TSPAN9: variants seen among roughly 807,000 people sequenced by gnomAD.
TSPAN9 encodes the protein tetraspanin-9.
A neutral mutation model predicts 31.0 loss-of-function variants in TSPAN9; 16 were observed. That is an observed-to-expected ratio of 0.52 (90% CI 0.35 to 0.78). The LOEUF (loss-of-function observed/expected upper bound fraction) is 0.78, where lower values mean the gene tolerates loss of function less well. Among genes scored for constraint, TSPAN9 ranks in the 30% least tolerant of loss-of-function variants. The pLI, the probability that TSPAN9 is intolerant of heterozygous loss-of-function variation, is 0.01. For synonymous variants in TSPAN9, 145 were observed against 121.6 expected (o/e 1.19, Z -1.27); for missense variants, 272 against 312.5 (o/e 0.87, Z 0.98).
chr12:3,082,550 G>A (rs2098298443), intron 1 of TSPAN9, among the ~76,000 whole-genome samples: 1 of 152,202 alleles, frequency 6.6e-6, no homozygotes, highest in Non-Finnish European at 1.5e-5. Context: ...TTGAGCAAGG[G>A]TAAGAGAAGC....
chr12:3,219,860 A>AAAAAAG (rs1249016767), intron 3 of TSPAN9, among the ~76,000 whole-genome samples: 2 of 151,344 alleles, frequency 1.3e-5, no homozygotes, highest in Non-Finnish European at 2.9e-5. Flanking sequence ...AAAAAAAAAA[A>AAAAAAG]AAAAAGGAAT....
At chr12:3,209,367 ATTC>A (rs2098377124) in intron 3 of TSPAN9, among the ~76,000 whole-genome samples, 1 of 152,168 alleles carries the variant, frequency 6.6e-6, no homozygotes, top group Admixed American at 6.5e-5. Context: ...CTGCAGGTGT[ATTC>A]TTCTGGTGAT....
At chr12:3,142,683 C>A (rs1306007056) in intron 2 of TSPAN9, among the ~76,000 whole-genome samples, 2 of 152,154 alleles carry the variant, frequency 1.3e-5, no homozygotes, top group African/African-American at 4.8e-5. Flanking sequence ...CATCCCTGCC[C>A]CCGGGTGCCT....
chr12:3,157,224 C>T (rs895471394), intron 2 of TSPAN9, among the ~76,000 whole-genome samples: 4 of 152,036 alleles, frequency 2.6e-5, no homozygotes, highest in African/African-American at 7.2e-5. Context: ...CTCAGCCTCC[C>T]GAGTAGCTGG....
chr12:3,223,855 C>G (rs2098385818), intron 3 of TSPAN9, among the ~76,000 whole-genome samples: 1 of 152,186 alleles, frequency 6.6e-6, no homozygotes, highest in Non-Finnish European at 1.5e-5. Context: ...ATCCAGTCTT[C>G]TCTGTCTGCA....
At chr12:3,089,382 C>T (rs2098302766) in intron 2 of TSPAN9, among the ~76,000 whole-genome samples, 1 of 148,102 alleles carries the variant, frequency 6.8e-6, no homozygotes, top group African/African-American at 2.5e-5. Context: ...CTGCAACCTC[C>T]CACTCCCTAG....
intron 1 of TSPAN9, among the ~76,000 whole-genome samples, chr12:3,081,509 G>A (rs2098297802): frequency 6.6e-6 from 1 of 151,976 alleles, no homozygotes; most frequent in Non-Finnish European, 1.5e-5. Flanking sequence ...CCTTTCTCAT[G>A]TCTGAGCTCC....
intron 3 of TSPAN9, among the ~76,000 whole-genome samples, chr12:3,246,839 G>T (rs571739172): frequency 6.6e-6 from 1 of 152,346 alleles, no homozygotes. Context: ...AGGACCAGGG[G>T]GGAAGACATC....
intron 2 of TSPAN9, among the ~76,000 whole-genome samples, chr12:3,114,549 C>T (rs190665812): frequency 1.3e-5 from 2 of 152,268 alleles, no homozygotes; most frequent in African/African-American, 4.8e-5. Flanking sequence ...CGCTCTCCTT[C>T]ATCAGATTCC....
chr12:3,101,565 T>G (rs2098311848), intron 2 of TSPAN9, among the ~76,000 whole-genome samples: 3 of 152,076 alleles, frequency 2.0e-5, no homozygotes, highest in Non-Finnish European at 4.4e-5. Flanking sequence ...TGGAATGTGC[T>G]CCTTACTACT....
At chr12:3,251,257 C>T (rs1328459350) in intron 3 of TSPAN9, among the ~76,000 whole-genome samples, 1 of 152,182 alleles carries the variant, frequency 6.6e-6, no homozygotes, top group Non-Finnish European at 1.5e-5. Flanking sequence ...AGCTTGCACC[C>T]GCTGTGTGCC....
chr12:3,216,124 C>T (rs1315513711), intron 3 of TSPAN9, among the ~76,000 whole-genome samples: 2 of 152,208 alleles, frequency 1.3e-5, no homozygotes, highest in African/African-American at 2.4e-5. Context: ...ATGCTCAGAG[C>T]CACCCCATCC....
chr12:3,159,819 G>T (rs938973005), intron 2 of TSPAN9, among the ~76,000 whole-genome samples: 4 of 152,194 alleles, frequency 2.6e-5, no homozygotes, highest in Non-Finnish European at 5.9e-5. Flanking sequence ...CAGAGAAAAT[G>T]GAAGAAACCA....
intron 2 of TSPAN9, among the ~76,000 whole-genome samples, chr12:3,084,724 G>T (rs1036402068): frequency 2.6e-5 from 4 of 152,322 alleles, no homozygotes; most frequent in Middle Eastern, 3.4e-3. Flanking sequence ...TTTCACAAAG[G>T]CCCCGTGGGG....
intron 2 of TSPAN9, among the ~76,000 whole-genome samples, chr12:3,105,871 C>A (rs563206199): frequency 6.6e-6 from 1 of 151,874 alleles, no homozygotes; most frequent in Non-Finnish European, 1.5e-5. Flanking sequence ...CACACACGCT[C>A]ACACACACAT....
intron 2 of TSPAN9, among the ~76,000 whole-genome samples, chr12:3,190,994 CTA>C (rs2098364070): frequency 6.6e-6 from 1 of 152,118 alleles, no homozygotes. Flanking sequence ...GCAGGATTAA[CTA>C]TGCGTTATTG....
chr12:3,226,718 ATGTGTGTGTGTG>A (rs60390468), intron 3 of TSPAN9, among the ~76,000 whole-genome samples: 294 of 15,274 alleles, frequency 0.019, 17 homozygotes, highest in African/African-American at 0.051. Flanking sequence ...ATGTGTATGT[ATGTGTGTGTGTG>A]TGTGTGTGTG....
At chr12:3,276,234 C>G (rs1366217206) in intron 3 of TSPAN9, among the ~76,000 whole-genome samples, 1 of 152,230 alleles carries the variant, frequency 6.6e-6, no homozygotes, top group African/African-American at 2.4e-5. Context: ...CCCTCGGGCC[C>G]TCCCGCGGTC....
intron 2 of TSPAN9, among the ~76,000 whole-genome samples, chr12:3,190,373 C>T: frequency 6.6e-6 from 1 of 152,270 alleles, no homozygotes; most frequent in South Asian, 2.1e-4. Context: ...CTTATCTCAT[C>T]CTCCCCGCAG....
Sources: allele counts gnomAD v4.1 joint callset (sites outside exome capture counted in the v4.1 genomes callset), GRCh38; gene constraint gnomAD v4.1.1; transcripts MANE v1.5; gene names NCBI Gene and HGNC (gene_info 2026-07-23, HGNC 2026-07-21).